Variants in FGGY observed in about 807,000 individuals in gnomAD.
The protein encoded by FGGY is FGGY carbohydrate kinase domain containing.
Under a neutral mutation model 71.3 loss-of-function variants are expected in FGGY, and 72 were observed. The observed-to-expected ratio is 1.01, with a 90% CI of 0.84 to 1.23. FGGY has a LOEUF of 1.23. FGGY is among the 50% of genes most tolerant of loss of function. The pLI is 0.00. For missense variants in FGGY, 668 were observed against 682.3 expected (o/e 0.98, Z 0.23); for synonymous variants, 251 against 250.3 (o/e 1.00, Z -0.02).
At chr1:59,305,913 G>C (rs1159047503) in intron 1 of FGGY, among the ~76,000 whole-genome samples, 1 of 152,194 alleles carries the variant, frequency 6.6e-6, no homozygotes, top group African/African-American at 2.4e-5. Context: ...TCTTGCCCAA[G>C]ATTCTAGCCT....
intron 11 of FGGY, among the ~76,000 whole-genome samples, chr1:59,656,476 A>G (rs1480402060): frequency 6.6e-6 from 1 of 152,176 alleles, no homozygotes; most frequent in South Asian, 2.1e-4. Context: ...AAGTTCCGTC[A>G]TGGGTTGACT....
chr1:59,358,722 T>C (rs1403716630), intron 4 of FGGY, among the ~76,000 whole-genome samples: 1 of 152,240 alleles, frequency 6.6e-6, no homozygotes, highest in Non-Finnish European at 1.5e-5. Flanking sequence ...TTAAAAGTTG[T>C]TTACATTTCT....
chr1:59,320,758 A>G (rs1279125300), intron 1 of FGGY, among the ~76,000 whole-genome samples: 3 of 152,208 alleles, frequency 2.0e-5, no homozygotes, highest in Middle Eastern at 3.2e-3. Flanking sequence ...ACCTATACAG[A>G]AAGCTTTTAA....
chr1:59,312,777 G>A (rs1256711947), intron 1 of FGGY, among the ~76,000 whole-genome samples: 2 of 152,164 alleles, frequency 1.3e-5, no homozygotes, highest in Non-Finnish European at 2.9e-5. Context: ...CTCTTGGAAG[G>A]TTATGGTTTT....
At chr1:59,685,252 A>C (rs772698387) in intron 14 of FGGY, among the ~76,000 whole-genome samples, 1 of 151,978 alleles carries the variant, frequency 6.6e-6, no homozygotes, top group Non-Finnish European at 1.5e-5. Flanking sequence ...GCTTGAGGGA[A>C]TGGTGGGGCA....
chr1:59,642,197 A>G (rs1042227465), intron 11 of FGGY, among the ~76,000 whole-genome samples: 2 of 152,230 alleles, frequency 1.3e-5, no homozygotes, highest in African/African-American at 4.8e-5. Context: ...TACTAGTTCT[A>G]GGCTCGGAAA....
At chr1:59,711,061 A>T (rs1013972555) in intron 14 of FGGY, among the ~76,000 whole-genome samples, 1 of 152,204 alleles carries the variant, frequency 6.6e-6, no homozygotes, top group Admixed American at 6.5e-5. Flanking sequence ...TCAATGTTAG[A>T]CTGGATAAAG....
chr1:59,527,894 T>A (rs1291253708), intron 7 of FGGY, among the ~76,000 whole-genome samples: 6 of 152,254 alleles, frequency 3.9e-5, no homozygotes, highest in African/African-American at 7.2e-5. Context: ...TAGGTTTTTT[T>A]AATCTGATTT....
intron 5 of FGGY, among the ~76,000 whole-genome samples, chr1:59,383,337 C>T (rs1186473141): frequency 6.6e-6 from 1 of 152,100 alleles, no homozygotes; most frequent in African/African-American, 2.4e-5. Flanking sequence ...ACAGAATATA[C>T]ATGAAGGTAG....
intron 10 of FGGY, among the ~76,000 whole-genome samples, chr1:59,627,128 C>T: frequency 6.6e-6 from 1 of 151,582 alleles, no homozygotes; most frequent in Non-Finnish European, 1.5e-5. Flanking sequence ...ACAGTAAAAA[C>T]TGAACCTACT....
intron 5 of FGGY, among the ~76,000 whole-genome samples, chr1:59,391,546 A>C (rs2060694129): frequency 1.3e-5 from 2 of 152,176 alleles, no homozygotes; most frequent in Admixed American, 6.5e-5. Context: ...AGTAAAGCAA[A>C]TCTGGATAGA....
intron 14 of FGGY, among the ~76,000 whole-genome samples, chr1:59,719,088 T>C (rs536385470): frequency 1.3e-5 from 2 of 152,314 alleles, no homozygotes; most frequent in African/African-American, 4.8e-5. Flanking sequence ...TGAAAGGGAC[T>C]GGACAGTGTG....
chr1:59,695,936 T>G (rs1410421698), intron 14 of FGGY, among the ~76,000 whole-genome samples: 1 of 152,188 alleles, frequency 6.6e-6, no homozygotes, highest in African/African-American at 2.4e-5. Context: ...GAGAAAACTT[T>G]GAGCTTCTTC....
chr1:59,598,576 A>G (rs1282509311), intron 8 of FGGY, among the ~76,000 whole-genome samples: 1 of 152,158 alleles, frequency 6.6e-6, no homozygotes, highest in Non-Finnish European at 1.5e-5. Context: ...CCACCCACTC[A>G]GATTGCTAAA....
At chr1:59,757,265 A>G (rs1428867448) in intron 14 of FGGY, among the ~76,000 whole-genome samples, 4 of 152,178 alleles carry the variant, frequency 2.6e-5, no homozygotes, top group Admixed American at 1.3e-4. Context: ...AAAACAATCC[A>G]TGGTTAATCT....
At chr1:59,708,570 C>T (rs1184661074) in intron 14 of FGGY, among the ~76,000 whole-genome samples, 1 of 152,148 alleles carries the variant, frequency 6.6e-6, no homozygotes, top group Non-Finnish European at 1.5e-5. Flanking sequence ...ATGCTGAACT[C>T]TAATTATATA....
At chr1:59,424,894 C>T (rs2066076757) in intron 5 of FGGY, among the ~76,000 whole-genome samples, 1 of 152,190 alleles carries the variant, frequency 6.6e-6, no homozygotes, top group Non-Finnish European at 1.5e-5. Context: ...TGAAGAAGCA[C>T]TAAAACTGGT....
Position 59,461,151 on chromosome 1 carries a change from G to A in FGGY, c.670+4075G>A, listed in dbSNP as rs145050501. Among the ~76,000 whole-genome samples the A allele has an allele frequency of 3.8e-3, 575 of 152,238 alleles. 2 individuals are homozygous for A. The highest frequency in any genetic ancestry group is 0.012 in the African/African-American group (508 of 41,550). ...CTAAAGGAGGATATTCAACCCCATC[G>A]CAAGGAAGCTAAAAACCTTGAAAAA... On this transcript the variant is annotated intron_variant, in intron 6 of 15. Coordinates refer to ENST00000303721, the MANE Select transcript of FGGY (RefSeq NM_018291.5).
At chr1:59,464,099 G>A (rs1395334988) in intron 6 of FGGY, among the ~76,000 whole-genome samples, 3 of 152,128 alleles carry the variant, frequency 2.0e-5, no homozygotes, top group Non-Finnish European at 2.9e-5. Context: ...TTCCAAAATT[G>A]ACCACATAGT....
Sources: gnomAD v4.1 joint callset for allele counts (sites outside exome capture counted in the v4.1 genomes callset) on GRCh38, gnomAD v4.1.1 for gene constraint, MANE v1.5 for transcripts, NCBI Gene and HGNC (gene_info 2026-07-23, HGNC 2026-07-21) for gene names.